The following ANKRD30BL variants were observed in gnomAD, a reference collection of about 807,000 sequenced individuals.
The protein encoded by ANKRD30BL is ankyrin repeat domain 30B like, also known as putative ankyrin repeat domain-containing protein 30B-like.
A neutral mutation model predicts 18.4 loss-of-function variants in ANKRD30BL; 20 were observed. The observed-to-expected ratio is 1.09, with a 90% CI of 0.77 to 1.58. The LOEUF (loss-of-function observed/expected upper bound fraction) is 1.58. Ranked by LOEUF, ANKRD30BL falls within the 40% of genes most tolerant of loss-of-function variation. ANKRD30BL has a pLI of 0.00. For synonymous variants in ANKRD30BL, 72 were observed against 100.9 expected (o/e 0.71, Z 1.72); for missense variants, 224 against 268.6 (o/e 0.83, Z 1.16).
intron 4 of ANKRD30BL, among the ~76,000 whole-genome samples, chr2:132,154,254 C>A (rs968591663): frequency 1.5e-4 from 23 of 152,152 alleles, no homozygotes; most frequent in African/African-American, 5.6e-4. Flanking sequence ...CAACAGCTAC[C>A]ATGCCCAGCA....
At chr2:132,235,240 G>A (rs2104787681) in intron 1 of ANKRD30BL, among the ~76,000 whole-genome samples, 1 of 152,188 alleles carries the variant, frequency 6.6e-6, no homozygotes, top group Non-Finnish European at 1.5e-5. Context: ...CATACTGAAT[G>A]GGCAAAAACT....
intron 1 of ANKRD30BL, among the ~76,000 whole-genome samples, chr2:132,225,649 G>C (rs1679823733): frequency 6.6e-6 from 1 of 151,984 alleles, no homozygotes; most frequent in Non-Finnish European, 1.5e-5. Context: ...GCATTCGTTG[G>C]AAATGGGAAT....
In ANKRD30BL at chr2:132,157,327, G is replaced by A. The variant is rs1687936146; in HGVS notation, c.315C>T (p.Asn105=). 2.6e-6 allele frequency: 2 copies of A among 768,106 alleles called. No homozygotes were observed. Among genetic ancestry groups the A allele is most frequent in the South Asian group, 1.5e-5 (1 of 68,518 alleles). The allele number at this position is 768,106 out of a possible 1,614,324, so 47.6% of individuals were successfully genotyped here. A position where few individuals can be genotyped will look rare whatever the true frequency, so the allele number is the denominator to read the frequency against. ...CATTTACCTTCATCAGAATGGTCCTGTTTTCACCATCAAGGACGTCAAGCT... is the reference window on the plus strand; with the variant it reads ...CATTTACCTTCATCAGAATGGTCCTATTTTCACCATCAAGGACGTCAAGCT... ...KCQLDVLDGE[N]RTILMKALQC... The change falls in exon 2 of 6, where the codon AAC becomes AAT. Residue 105 remains asparagine, a synonymous_variant. Coordinates refer to ENST00000409867, the MANE Select transcript of ANKRD30BL (RefSeq NM_001358416.1).
chr2:132,170,356 G>A (rs1180033170), intron 1 of ANKRD30BL, among the ~76,000 whole-genome samples: 1 of 152,150 alleles, frequency 6.6e-6, no homozygotes, highest in African/African-American at 2.4e-5. Context: ...AGTAAAGTGA[G>A]TCCTGCTACC....
chr2:132,183,306 A>C (rs1688507161), intron 1 of ANKRD30BL, among the ~76,000 whole-genome samples: 1 of 151,728 alleles, frequency 6.6e-6, no homozygotes. Context: ...TAATTTTTGT[A>C]TTTGTAGTAG....
chr2:132,250,211 T>C (rs561121210), intron 1 of ANKRD30BL, among the ~76,000 whole-genome samples: 1 of 152,328 alleles, frequency 6.6e-6, no homozygotes, highest in South Asian at 2.1e-4. Context: ...ACTTTGCAGA[T>C]TGTACAAGAA....
chr2:132,252,149 C>T (rs376708062), intron 1 of ANKRD30BL, among the ~76,000 whole-genome samples: 2 of 152,124 alleles, frequency 1.3e-5, no homozygotes, highest in African/African-American at 2.4e-5. Flanking sequence ...TTGTGTAACT[C>T]GGGTAATGAA....
At chr2:132,253,606 G>A (rs1476813065) in intron 1 of ANKRD30BL, among the ~76,000 whole-genome samples, 3 of 152,108 alleles carry the variant, frequency 2.0e-5, no homozygotes, top group East Asian at 3.9e-4. Flanking sequence ...CATCAGTGGC[G>A]ACACGCAAGT....
At chr2:132,177,356 G>A (rs1271992604) in intron 1 of ANKRD30BL, among the ~76,000 whole-genome samples, 2 of 152,070 alleles carry the variant, frequency 1.3e-5, no homozygotes, top group East Asian at 3.9e-4. Flanking sequence ...GTTTCACCAT[G>A]TTGGACAGGA....
At chr2:132,191,888 C>T (rs573038999) in intron 1 of ANKRD30BL, among the ~76,000 whole-genome samples, 1 of 152,010 alleles carries the variant, frequency 6.6e-6, no homozygotes, top group South Asian at 2.1e-4. Flanking sequence ...ACTACAGGCT[C>T]TCACCACCAC....
At chr2:132,222,717 C>T (rs1357662616) in intron 1 of ANKRD30BL, among the ~76,000 whole-genome samples, 6 of 151,674 alleles carry the variant, frequency 4.0e-5, no homozygotes, top group Admixed American at 6.6e-5. Flanking sequence ...GCAGGGTCCT[C>T]TGCCTAGGAA....
At chr2:132,210,921 T>G (rs996966527) in intron 1 of ANKRD30BL, among the ~76,000 whole-genome samples, 1 of 152,214 alleles carries the variant, frequency 6.6e-6, no homozygotes, top group Non-Finnish European at 1.5e-5. Flanking sequence ...GAGAAACTTC[T>G]TTGTGATGTG....
chr2:132,187,868 C>G (rs528332035), intron 1 of ANKRD30BL, among the ~76,000 whole-genome samples: 4 of 151,546 alleles, frequency 2.6e-5, no homozygotes, highest in Non-Finnish European at 5.9e-5. Flanking sequence ...AAGTGATTCT[C>G]CTGCTTCAGC....
intron 1 of ANKRD30BL, among the ~76,000 whole-genome samples, chr2:132,222,152 C>T (rs189743620): frequency 0.056 from 8,271 of 147,346 alleles, 267 homozygotes; most frequent in South Asian, 0.12. Flanking sequence ...TGCCCGGCCA[C>T]CCCTACTGGG....
intron 1 of ANKRD30BL, among the ~76,000 whole-genome samples, chr2:132,254,254 G>A (rs1680756702): frequency 6.6e-6 from 1 of 152,060 alleles, no homozygotes; most frequent in Non-Finnish European, 1.5e-5. Context: ...ACGAACAAAG[G>A]GCACGACTCC....
intron 1 of ANKRD30BL, among the ~76,000 whole-genome samples, chr2:132,240,643 C>A (rs1680290689): frequency 6.6e-6 from 1 of 151,038 alleles, no homozygotes; most frequent in African/African-American, 2.4e-5. Context: ...TTGAGAATTT[C>A]ATTGGAAACT....
intron 1 of ANKRD30BL, among the ~76,000 whole-genome samples, chr2:132,200,255 A>T (rs1358406126): frequency 1.3e-5 from 2 of 151,490 alleles, no homozygotes; most frequent in Non-Finnish European, 2.9e-5. Flanking sequence ...GCCCTCTCTC[A>T]CCACTCCTAT....
chr2:132,207,249 C>A (rs1161284667), intron 1 of ANKRD30BL, among the ~76,000 whole-genome samples: 1 of 152,130 alleles, frequency 6.6e-6, no homozygotes, highest in Non-Finnish European at 1.5e-5. Flanking sequence ...ATTTAAATTT[C>A]TCCAAATGGC....
At chr2:132,162,438 C>T (rs866437317), upstream of ANKRD30BL, among the ~76,000 whole-genome samples, 1 of 152,170 alleles carries the variant, frequency 6.6e-6, no homozygotes, top group Non-Finnish European at 1.5e-5. Flanking sequence ...CCCTTCCACC[C>T]GGGGCTCTGC....
Sources: allele counts gnomAD v4.1 joint callset (sites outside exome capture counted in the v4.1 genomes callset), GRCh38; gene constraint gnomAD v4.1.1; transcripts MANE v1.5; gene names NCBI Gene and HGNC (gene_info 2026-07-23, HGNC 2026-07-21).